The following KDM6A variants were observed in gnomAD, a reference collection of about 807,000 sequenced individuals.
KDM6A encodes lysine-specific demethylase 6A.
A neutral mutation model predicts 117.6 loss-of-function variants in KDM6A; 11 were observed. The observed-to-expected ratio is 0.09, with a 90% CI of 0.06 to 0.15. The LOEUF (loss-of-function observed/expected upper bound fraction) is 0.15. Ranked by LOEUF, KDM6A falls within the 10% of genes least tolerant of loss-of-function variation. KDM6A has a pLI of 1.00. For synonymous variants in KDM6A, 384 were observed against 396.1 expected (o/e 0.97, Z 0.36); for missense variants, 799 against 1,077.3 (o/e 0.74, Z 3.62).
At position 44,873,340 on chromosome X, in the gene KDM6A, C is replaced by T. The variant is rs2031012135; in HGVS notation, c.-212C>T. 3 of 474,564 alleles carry T rather than the reference C, an allele frequency of 6.3e-6. No individual in the cohort carries two copies. The highest frequency in any genetic ancestry group is 4.8e-5 in the Admixed American group (1 of 20,986). The allele number at this position is 474,564 out of a possible 1,213,427, so 39.1% of individuals were successfully genotyped here. On this transcript the variant is annotated 5_prime_UTR_variant, in exon 1 of 30. Coordinates refer to ENST00000611820, the MANE Select transcript of KDM6A (RefSeq NM_001291415.2). ...ATGTGACCCTACAGCCGAAAGCCGC[C>T]GCTGCCGACCCGGGGGCTCCGCAGC...
At chrX:44,956,439 G>A (rs188503872) in intron 2 of KDM6A, among the ~76,000 whole-genome samples, 1 of 109,211 alleles carries the variant, frequency 9.2e-6, no homozygotes, top group Non-Finnish European at 1.9e-5. Context: ...TTGCTCTGTC[G>A]CCCAGGCTGG....
At position 45,079,344 on chromosome X, in the gene KDM6A, C is replaced by T. The variant is rs780073768; in HGVS notation, c.3293C>T (p.Ser1098Leu). The T allele has an allele frequency of 8.6e-7, 1 of 1,158,980 alleles. No homozygotes were observed. The highest frequency in any genetic ancestry group is 1.2e-6 in the Non-Finnish European group (1 of 847,871). Residue 1098 changes from serine to leucine, a missense_variant, in exon 21 of 30, where the codon TCA becomes TTA. Coordinates refer to ENST00000611820, the MANE Select transcript of KDM6A (RefSeq NM_001291415.2). Reference sequence around the variant, plus strand: ...TACCAGGCCTCCTCATTCCAGGAATCATTGAGAGTAAGTATTTGTATCCTA... The same window carrying T: ...TACCAGGCCTCCTCATTCCAGGAATTATTGAGAGTAAGTATTTGTATCCTA... Reference protein sequence around the residue: ...AQYQASSFQESLREENEKRSH... With the variant: ...AQYQASSFQELLREENEKRSH...
At chrX:44,990,595 GTCA>G (rs761581577) in intron 4 of KDM6A, among the ~76,000 whole-genome samples, 1 of 74,845 alleles carries the variant, frequency 1.3e-5, no homozygotes, top group Admixed American at 1.4e-4. Flanking sequence ...AATAAAAGCT[GTCA>G]TCTTTTGTCA....
At chrX:45,016,474 T>C (rs2041969257) in intron 5 of KDM6A, among the ~76,000 whole-genome samples, 1 of 108,987 alleles carries the variant, frequency 9.2e-6, no homozygotes. Context: ...TGTATGTATG[T>C]ATGTATGTAT....
chrX:44,953,392 G>C (rs2038135421), intron 2 of KDM6A, among the ~76,000 whole-genome samples: 1 of 111,609 alleles, frequency 9.0e-6, no homozygotes, highest in African/African-American at 3.3e-5. Flanking sequence ...GGGAATCTCA[G>C]CCTTCAGTCT....
intron 2 of KDM6A, among the ~76,000 whole-genome samples, chrX:44,931,495 G>A (rs1438721509): frequency 1.8e-5 from 2 of 111,948 alleles, no homozygotes; most frequent in African/African-American, 3.2e-5. Context: ...TAAGGAAAAC[G>A]TGGCATATAC....
chrX:44,954,296 A>G (rs2038195421), intron 2 of KDM6A, among the ~76,000 whole-genome samples: 1 of 111,300 alleles, frequency 9.0e-6, no homozygotes, highest in Non-Finnish European at 1.9e-5. Flanking sequence ...TCTGGAAAGG[A>G]TATCAAGTTT....
At chrX:45,102,555 C>T (rs767075264) in intron 27 of KDM6A, among the ~76,000 whole-genome samples, 4 of 111,433 alleles carry the variant, frequency 3.6e-5, no homozygotes, top group Admixed American at 9.5e-5. Context: ...CAACACTATG[C>T]GTAGATAATG....
intron 17 of KDM6A, among the ~76,000 whole-genome samples, chrX:45,068,823 T>TCTTTCTCTTTCCCTTTCCCTTTCC (rs1383547449): frequency 1.0e-5 from 1 of 95,827 alleles, no homozygotes; most frequent in Non-Finnish European, 2.0e-5. Flanking sequence ...TTTCTCTTTC[T>TCTTTCTCTTTCCCTTTCCCTTTCC]CTTTCCCTTT....
chrX:44,947,461 C>T (rs769684518), intron 2 of KDM6A, among the ~76,000 whole-genome samples: 4 of 108,602 alleles, frequency 3.7e-5, no homozygotes, highest in African/African-American at 1.0e-4. Context: ...CTGCAAGCTC[C>T]GCCTCCCGGG....
chrX:45,098,746 A>T (rs967171018), intron 27 of KDM6A, among the ~76,000 whole-genome samples: 1 of 112,161 alleles, frequency 8.9e-6, no homozygotes, highest in African/African-American at 3.2e-5. Flanking sequence ...CCGAACCATT[A>T]GTTATTTTTA....
At chrX:45,009,920 C>T (rs1413404858) in intron 4 of KDM6A, among the ~76,000 whole-genome samples, 3 of 111,729 alleles carry the variant, frequency 2.7e-5, no homozygotes, top group Non-Finnish European at 5.6e-5. Context: ...GTACAAAAAC[C>T]TTTATCTCAC....
intron 8 of KDM6A, among the ~76,000 whole-genome samples, chrX:45,044,732 A>C (rs1326314580): frequency 3.6e-5 from 4 of 111,807 alleles, no homozygotes; most frequent in African/African-American, 1.3e-4. Flanking sequence ...GTACGTGTAG[A>C]GCTGCATCAT....
chrX:44,889,479 T>A (rs1447298698), intron 2 of KDM6A, among the ~76,000 whole-genome samples: 3 of 112,318 alleles, frequency 2.7e-5, no homozygotes, highest in African/African-American at 6.5e-5. Context: ...AATTTTTTTT[T>A]AAAATCGGCT....
intron 8 of KDM6A, among the ~76,000 whole-genome samples, chrX:45,037,955 C>G (rs1160459678): frequency 8.9e-6 from 1 of 111,964 alleles, no homozygotes; most frequent in Admixed American, 9.5e-5. Flanking sequence ...GGCGCGGTAG[C>G]TCACACCTGT....
At chrX:45,030,748 C>A (rs755528689) in intron 6 of KDM6A, among the ~76,000 whole-genome samples, 35 of 111,076 alleles carry the variant, frequency 3.2e-4, no homozygotes, top group African/African-American at 1.1e-3. Flanking sequence ...CTCACTCTGT[C>A]GCCCATGCTG....
chrX:45,068,790 T>C (rs867487853), intron 17 of KDM6A, among the ~76,000 whole-genome samples: 1 of 82,098 alleles, frequency 1.2e-5, no homozygotes, highest in Non-Finnish European at 2.2e-5. Flanking sequence ...TCTCTCTTCT[T>C]TCTCTTTCTC....
chrX:44,924,845 C>T (rs1352006066), intron 2 of KDM6A, among the ~76,000 whole-genome samples: 4 of 110,801 alleles, frequency 3.6e-5, no homozygotes, highest in Non-Finnish European at 1.9e-5. Flanking sequence ...TGTACCACCA[C>T]GCCTGGCTAA....
At chrX:45,044,770 A>C (rs984203131) in intron 8 of KDM6A, among the ~76,000 whole-genome samples, 1 of 111,790 alleles carries the variant, frequency 8.9e-6, no homozygotes, top group African/African-American at 3.3e-5. Flanking sequence ...TGTACAGTTA[A>C]CTAATTTAAC....
Sources: gnomAD v4.1 joint callset for allele counts (sites outside exome capture counted in the v4.1 genomes callset) on GRCh38, gnomAD v4.1.1 for gene constraint, MANE v1.5 for transcripts, NCBI Gene and HGNC (gene_info 2026-07-23, HGNC 2026-07-21) for gene names.